Variants in CACNA2D3 observed in about 807,000 individuals in gnomAD.
The protein encoded by CACNA2D3 is voltage-dependent calcium channel subunit alpha-2/delta-3.
A neutral mutation model predicts 160.6 loss-of-function variants in CACNA2D3; 60 were observed. The observed-to-expected ratio is 0.37, with a 90% CI of 0.30 to 0.46. The LOEUF is 0.46. Ranked by LOEUF, CACNA2D3 falls within the 20% of genes least tolerant of loss-of-function variation. The pLI is 1.00. For missense variants in CACNA2D3, 1,205 were observed against 1,365.0 expected, an observed-to-expected ratio of 0.88 and a Z score of 1.85; for synonymous variants, 558 against 492.9, an observed-to-expected ratio of 1.13 and a Z score of -1.75.
intron 4 of CACNA2D3, among the ~76,000 whole-genome samples, chr3:54,474,386 C>T (rs535063571): frequency 9.8e-4 from 146 of 149,274 alleles, no homozygotes; most frequent in Middle Eastern, 6.8e-3. Context: ...CATCACATAC[C>T]GGGGCCTGTC....
chr3:54,411,315 A>G (rs1699664290), intron 4 of CACNA2D3, among the ~76,000 whole-genome samples: 2 of 152,336 alleles, frequency 1.3e-5, no homozygotes, highest in East Asian at 1.9e-4. Context: ...GTAAAATGCT[A>G]TCAAACAACA....
At chr3:54,433,223 A>T (rs1458866441) in intron 4 of CACNA2D3, among the ~76,000 whole-genome samples, 1 of 152,170 alleles carries the variant, frequency 6.6e-6, no homozygotes, top group Admixed American at 6.5e-5. Flanking sequence ...GGATTTATGT[A>T]CTTGTCCAAT....
chr3:54,290,492 T>A (rs1327452391), intron 2 of CACNA2D3, among the ~76,000 whole-genome samples: 1 of 151,896 alleles, frequency 6.6e-6, no homozygotes, highest in Non-Finnish European at 1.5e-5. Context: ...ATTGTGGAAG[T>A]CAGTGTGGCG....
At chr3:54,478,858 C>T (rs554883086) in intron 4 of CACNA2D3, among the ~76,000 whole-genome samples, 1 of 150,334 alleles carries the variant, frequency 6.7e-6, no homozygotes, top group African/African-American at 2.4e-5. Context: ...CTTAATAATG[C>T]TTTTCTAATA....
intron 35 of CACNA2D3, among the ~76,000 whole-genome samples, chr3:55,027,173 T>C (rs1319422459): frequency 2.0e-5 from 3 of 152,244 alleles, no homozygotes; most frequent in Admixed American, 2.0e-4. Context: ...AGCTTTGTTA[T>C]AGAATTACGA....
chr3:54,543,860 T>C (rs1430823296), intron 5 of CACNA2D3, among the ~76,000 whole-genome samples: 3 of 152,244 alleles, frequency 2.0e-5, no homozygotes, highest in South Asian at 2.1e-4. Flanking sequence ...ATCTGTTATA[T>C]ATTTCCATGT....
intron 27 of CACNA2D3, among the ~76,000 whole-genome samples, chr3:54,948,827 C>T (rs966760092): frequency 6.6e-6 from 1 of 152,198 alleles, no homozygotes; most frequent in Admixed American, 6.5e-5. Flanking sequence ...CTGTCAGGAG[C>T]TGTTTAGTGC....
intron 27 of CACNA2D3, among the ~76,000 whole-genome samples, chr3:54,967,975 A>G (rs1004151131): frequency 3.3e-5 from 5 of 152,220 alleles, no homozygotes; most frequent in Non-Finnish European, 5.9e-5. Context: ...CATTATAGTA[A>G]AGTGACTCAC....
intron 2 of CACNA2D3, among the ~76,000 whole-genome samples, chr3:54,155,254 T>C (rs1473718649): frequency 1.3e-5 from 2 of 152,208 alleles, no homozygotes; most frequent in East Asian, 3.8e-4. Flanking sequence ...CCAACAAAGC[T>C]TTACCTATGG....
chr3:54,702,502 A>G (rs1427834217), intron 11 of CACNA2D3, among the ~76,000 whole-genome samples: 1 of 152,234 alleles, frequency 6.6e-6, no homozygotes, highest in Non-Finnish European at 1.5e-5. Flanking sequence ...AAAATGCTCA[A>G]CATCACTAAT....
intron 2 of CACNA2D3, among the ~76,000 whole-genome samples, chr3:54,157,748 G>A (rs1434515636): frequency 6.0e-5 from 9 of 150,664 alleles, no homozygotes; most frequent in East Asian, 3.9e-4. Flanking sequence ...CCGAGATGGC[G>A]CCATTGCACT....
chr3:54,164,982 A>T (rs567581066), intron 2 of CACNA2D3, among the ~76,000 whole-genome samples: 20 of 152,196 alleles, frequency 1.3e-4, no homozygotes, highest in African/African-American at 4.8e-4. Flanking sequence ...AGTTTCTGCC[A>T]CCTCTGTTAC....
rs1701729333 is a variant in CACNA2D3, at chr3:54,526,745, C to T, written c.544+23091C>T. 2.0e-5 allele frequency among the ~76,000 whole-genome samples: 3 copies of T among 152,148 alleles called. No homozygotes were observed. The South Asian group carries it at 6.2e-4, about 32-fold the overall frequency. ...TTGCTCTGTTGCCCTGGCTGGAGTT[C>T]AGTGGCATGATCTCAGCTCACTGCA... On this transcript the variant is annotated intron_variant, in intron 5 of 37. Coordinates refer to ENST00000474759, the MANE Select transcript of CACNA2D3 (RefSeq NM_018398.3).
chr3:54,882,149 A>T (rs572814857), intron 21 of CACNA2D3, among the ~76,000 whole-genome samples: 1 of 152,322 alleles, frequency 6.6e-6, no homozygotes, highest in East Asian at 1.9e-4. Flanking sequence ...TGTTTTCAGG[A>T]TCATGTTTTC....
intron 10 of CACNA2D3, among the ~76,000 whole-genome samples, chr3:54,630,273 T>C (rs1358668186): frequency 1.3e-5 from 2 of 152,092 alleles, no homozygotes; most frequent in Non-Finnish European, 2.9e-5. Flanking sequence ...CTACAAATGC[T>C]TTGGTTCTCT....
intron 2 of CACNA2D3, among the ~76,000 whole-genome samples, chr3:54,295,304 C>T (rs1325938653): frequency 6.6e-6 from 1 of 152,094 alleles, no homozygotes; most frequent in African/African-American, 2.4e-5. Flanking sequence ...TTTCCAGATA[C>T]CATGAACTGT....
intron 35 of CACNA2D3, among the ~76,000 whole-genome samples, chr3:55,035,170 G>T (rs938111563): frequency 2.0e-5 from 3 of 152,114 alleles, no homozygotes; most frequent in African/African-American, 7.2e-5. Context: ...AATTTAAATT[G>T]TAAGAAAAAC....
At chr3:54,404,461 T>G (rs1201555688) in intron 4 of CACNA2D3, among the ~76,000 whole-genome samples, 1 of 152,128 alleles carries the variant, frequency 6.6e-6, no homozygotes, top group African/African-American at 2.4e-5. Flanking sequence ...CTTAACAGTT[T>G]AGGTATAGAT....
intron 13 of CACNA2D3, among the ~76,000 whole-genome samples, chr3:54,771,444 C>G (rs968447680): frequency 6.6e-6 from 1 of 152,200 alleles, no homozygotes; most frequent in African/African-American, 2.4e-5. Flanking sequence ...CAGGTCTCAT[C>G]TGCAACTCAG....
Sources: allele counts gnomAD v4.1 joint callset (sites outside exome capture counted in the v4.1 genomes callset), GRCh38; gene constraint gnomAD v4.1.1; transcripts MANE v1.5; gene names NCBI Gene and HGNC (gene_info 2026-07-23, HGNC 2026-07-21).